XRCC5: variants seen among roughly 807,000 people sequenced by gnomAD.
The protein encoded by XRCC5 is X-ray repair cross complementing 5.
XRCC5 carries 12 observed loss-of-function variants against 95.7 expected under a neutral mutation model. The ratio of observed to expected loss-of-function variants is 0.13; its 90% CI spans 0.08 to 0.20. XRCC5 has a LOEUF of 0.20. Among genes scored for constraint, XRCC5 ranks in the 10% least tolerant of loss-of-function variants. The pLI is 1.00. For synonymous variants in XRCC5, 281 were observed against 290.3 expected, an observed-to-expected ratio of 0.97 and a Z score of 0.33; for missense variants, 595 against 873.9, an observed-to-expected ratio of 0.68 and a Z score of 4.02.
intron 5 of XRCC5, among the ~76,000 whole-genome samples, chr2:216,120,303 T>G (rs1186255683): frequency 6.6e-6 from 1 of 152,248 alleles, no homozygotes; most frequent in Non-Finnish European, 1.5e-5. Context: ...GCAGACTGCA[T>G]TTCAGTGAAT....
intron 16 of XRCC5, chr2:216,175,854 C>G (rs1375329778): frequency 7.0e-6 from 3 of 429,430 alleles, no homozygotes; most frequent in African/African-American, 4.2e-5. Context: ...AGTGTGCCCC[C>G]TTTCTCAAAA....
chr2:216,181,596 T>A (rs3770500), intron 16 of XRCC5, among the ~76,000 whole-genome samples: 17,919 of 152,222 alleles, frequency 0.12, 1,205 homozygotes, highest in South Asian at 0.28. Context: ...GCTTGTGATT[T>A]GAGAACCGGT....
intron 16 of XRCC5, among the ~76,000 whole-genome samples, chr2:216,183,219 CAG>C (rs1491157169): frequency 6.6e-6 from 1 of 152,090 alleles, no homozygotes; most frequent in African/African-American, 2.4e-5. Context: ...CAAATAAAAA[CAG>C]AAATAAAAGG....
intron 16 of XRCC5, among the ~76,000 whole-genome samples, chr2:216,169,094 T>C (rs1458190101): frequency 6.6e-6 from 1 of 152,256 alleles, no homozygotes; most frequent in East Asian, 1.9e-4. Context: ...CTGGGAAACA[T>C]GGCCTCCAGC....
intron 3 of XRCC5, chr2:216,117,468 A>T: frequency 2.3e-6 from 1 of 439,120 alleles, no homozygotes; most frequent in South Asian, 3.7e-5. Flanking sequence ...TGGGTTCTAG[A>T]TACTATTAAA....
chr2:216,132,278 C>T (rs757013314), intron 9 of XRCC5, 47 bp from the exon 10 acceptor site: 2 of 1,567,756 alleles, frequency 1.3e-6, no homozygotes, highest in African/African-American at 2.7e-5. Context: ...CATGGTTATA[C>T]ATGTTACTTA....
chr2:216,162,162 G>T, intron 16 of XRCC5, 114 bp downstream of exon 16: 1 of 1,006,506 alleles, frequency 9.9e-7, no homozygotes, highest in Non-Finnish European at 1.5e-6. Context: ...TTCTTTACTG[G>T]CGGATCTTTG....
chr2:216,139,536 C>T (rs1697141725), intron 12 of XRCC5, among the ~76,000 whole-genome samples: 1 of 152,196 alleles, frequency 6.6e-6, no homozygotes, highest in South Asian at 2.1e-4. Context: ...GTCTCTCCCA[C>T]AACATGTGGG....
At chr2:216,136,014 T>G (rs979667710) in intron 10 of XRCC5, among the ~76,000 whole-genome samples, 7 of 152,054 alleles carry the variant, frequency 4.6e-5, no homozygotes, top group Non-Finnish European at 8.8e-5. Flanking sequence ...ATGTCAGATA[T>G]CCACCAGCTA....
chr2:216,127,515 C>G (rs994537106), intron 7 of XRCC5, 21 bp from the exon 8 acceptor site: 5 of 1,573,880 alleles, frequency 3.2e-6, no homozygotes, highest in African/African-American at 2.8e-5. Context: ...CTTGTTTTCC[C>G]TTTGTGTTTT....
intron 6 of XRCC5, among the ~76,000 whole-genome samples, chr2:216,123,529 G>C (rs567666626): frequency 4.7e-4 from 72 of 152,306 alleles, no homozygotes; most frequent in Non-Finnish European, 8.8e-4. Flanking sequence ...AATTAGGCTG[G>C]ACACGGTGGC....
chr2:216,145,118 A>C (rs1309985570), intron 13 of XRCC5, among the ~76,000 whole-genome samples: 2 of 152,146 alleles, frequency 1.3e-5, no homozygotes, highest in African/African-American at 2.4e-5. Flanking sequence ...GAATCAGTTG[A>C]GTAATGGTGT....
intron 18 of XRCC5, among the ~76,000 whole-genome samples, chr2:216,193,935 G>A (rs1221604850): frequency 2.0e-5 from 3 of 152,178 alleles, no homozygotes; most frequent in African/African-American, 7.2e-5. Context: ...CTCTTACTGA[G>A]CTAAAATTGA....
At chr2:216,204,123 C>T in intron 19 of XRCC5, 199 bp from the exon 20 acceptor site, 1 of 593,408 alleles carries the variant, frequency 1.7e-6, no homozygotes, top group Non-Finnish European at 3.0e-6. Context: ...GTATGGACTA[C>T]TTGAACCTCA....
chr2:216,179,897 G>T (rs1689350293), intron 16 of XRCC5, among the ~76,000 whole-genome samples: 1 of 152,190 alleles, frequency 6.6e-6, no homozygotes, highest in African/African-American at 2.4e-5. Flanking sequence ...GAGTTAGAAG[G>T]CTTCGGCGTT....
chr2:216,110,974 TC>T (rs1469976178), intron 1 of XRCC5, among the ~76,000 whole-genome samples: 2 of 152,218 alleles, frequency 1.3e-5, no homozygotes, highest in Non-Finnish European at 2.9e-5. Flanking sequence ...AATAATCTTT[TC>T]TTTTCATGTG....
chr2:216,112,085 C>T (rs1696600021), intron 1 of XRCC5, among the ~76,000 whole-genome samples: 1 of 152,182 alleles, frequency 6.6e-6, no homozygotes, highest in Non-Finnish European at 1.5e-5. Context: ...TTGTGAGTTG[C>T]CATCAATCCA....
At chr2:216,119,001 T>A (rs1202836768) in intron 4 of XRCC5, 42 bp from the exon 5 acceptor site, 1 of 1,601,174 alleles carries the variant, frequency 6.2e-7, no homozygotes, top group Admixed American at 1.7e-5. Context: ...AGAAAAATAA[T>A]TCAGGAGAAT....
chr2:216,149,224 T>G (rs1214645404), intron 14 of XRCC5, among the ~76,000 whole-genome samples: 1 of 152,174 alleles, frequency 6.6e-6, no homozygotes, highest in Non-Finnish European at 1.5e-5. Context: ...AGAGAATTAC[T>G]GTCTAAATTG....
Sources: gnomAD v4.1 joint callset for allele counts (sites outside exome capture counted in the v4.1 genomes callset) on GRCh38, gnomAD v4.1.1 for gene constraint, MANE v1.5 for transcripts, NCBI Gene and HGNC (gene_info 2026-07-23, HGNC 2026-07-21) for gene names.